The following SIK3 variants were observed in gnomAD, a reference collection of about 807,000 sequenced individuals.
The protein encoded by SIK3 is SIK family kinase 3.
SIK3 carries 28 observed loss-of-function variants against 144.2 expected under a neutral mutation model. That is an observed-to-expected ratio of 0.19 (90% CI 0.14 to 0.27). SIK3 has a LOEUF of 0.27. Among genes scored for constraint, SIK3 ranks in the 10% least tolerant of loss-of-function variants. SIK3 has a pLI of 1.00. For synonymous variants in SIK3, 686 were observed against 676.3 expected, an observed-to-expected ratio of 1.01 and a Z score of -0.22; for missense variants, 1,319 against 1,776.0, an observed-to-expected ratio of 0.74 and a Z score of 4.62.
intron 1 of SIK3, among the ~76,000 whole-genome samples, chr11:117,008,756 A>C (rs1233680045): frequency 6.6e-6 from 1 of 152,238 alleles, no homozygotes; most frequent in Non-Finnish European, 1.5e-5. Flanking sequence ...AATCCAGCAC[A>C]GAGTTATGGC....
At chr11:116,953,157 G>C (rs970806882) in intron 3 of SIK3, among the ~76,000 whole-genome samples, 1 of 151,970 alleles carries the variant, frequency 6.6e-6, no homozygotes, top group African/African-American at 2.4e-5. Flanking sequence ...TTAATAAGAA[G>C]ATTCATTTTA....
intron 4 of SIK3, among the ~76,000 whole-genome samples, chr11:116,923,254 T>C (rs1227642018): frequency 6.6e-6 from 1 of 152,212 alleles, no homozygotes. Flanking sequence ...AAACCCTTTT[T>C]CTCTCTTGCA....
chr11:116,940,117 T>C (rs1490797989), intron 3 of SIK3, among the ~76,000 whole-genome samples: 2 of 152,130 alleles, frequency 1.3e-5, no homozygotes, highest in Admixed American at 6.5e-5. Flanking sequence ...TACCTAACTA[T>C]AGAAGCTGGG....
intron 1 of SIK3, among the ~76,000 whole-genome samples, chr11:117,065,852 A>C (rs150867735): frequency 8.4e-4 from 127 of 151,786 alleles, no homozygotes; most frequent in African/African-American, 2.6e-3. Flanking sequence ...CTGGTCTCGA[A>C]CTCCTGGCCC....
rs1555059292 is a variant in SIK3, at chr11:116,844,618, A to AT, written c.*1024_*1025insA. The AT allele has an allele frequency of 8.3e-4, 34 of 40,730 alleles. No individual in the cohort carries two copies. Among genetic ancestry groups the AT allele is most frequent in the African/African-American group, 7.1e-3 (34 of 4,774 alleles). The allele number at this position is 40,730 out of a possible 1,614,324, so 2.5% of individuals were successfully genotyped here. A position where few individuals can be genotyped will look rare whatever the true frequency, so the allele number is the denominator to read the frequency against. On this transcript the variant is annotated 3_prime_UTR_variant, in exon 25 of 25. Coordinates refer to ENST00000445177, the MANE Select transcript of SIK3 (RefSeq NM_001366686.3). ...TATTTTATATATATATTATATATAT[A>AT]ATATATATATAATATATTATATTAT...
chr11:117,032,745 C>A (rs1483244026), intron 1 of SIK3, among the ~76,000 whole-genome samples: 1 of 149,364 alleles, frequency 6.7e-6, no homozygotes, highest in African/African-American at 2.5e-5. Context: ...TTAAGTTCAT[C>A]TTTTTTATCT....
chr11:117,020,311 G>A (rs1951720921), intron 1 of SIK3, among the ~76,000 whole-genome samples: 1 of 145,218 alleles, frequency 6.9e-6, no homozygotes, highest in South Asian at 2.2e-4. Flanking sequence ...AATTTCCTAA[G>A]TGACTTTGGT....
chr11:116,963,636 A>T (rs1949425403), intron 1 of SIK3, among the ~76,000 whole-genome samples: 1 of 152,212 alleles, frequency 6.6e-6, no homozygotes, highest in Non-Finnish European at 1.5e-5. Flanking sequence ...ACATCCCTGA[A>T]TCAAACTCTG....
At position 117,098,416 on chromosome 11, in the gene SIK3, C is replaced by T. The variant is rs1441527857; in HGVS notation, c.-1G>A. 96 of 1,126,128 alleles carry T rather than the reference C, an allele frequency of 8.5e-5. No homozygotes were observed. The highest frequency in any genetic ancestry group is 9.1e-5 in the Non-Finnish European group (84 of 923,146). The allele number at this position is 1,126,128 out of a possible 1,614,324, so 69.8% of individuals were successfully genotyped here. A position where few individuals can be genotyped will look rare whatever the true frequency, so the allele number is the denominator to read the frequency against. On this transcript the variant is annotated 5_prime_UTR_variant, in exon 1 of 25. Transcript: ENST00000445177. ...CTCCGCTCGCCGCCGCCGCCGCCAT[C>T]TTGTTGTGCAGTGAAACCTCCGGGG... is the stretch of plus-strand genomic sequence containing the variant.
chr11:117,050,285 A>ATC (rs1474891817), intron 1 of SIK3, among the ~76,000 whole-genome samples: 1 of 149,490 alleles, frequency 6.7e-6, no homozygotes, highest in East Asian at 2.0e-4. Flanking sequence ...TCAAGACTCC[A>ATC]TCACACACAC....
rs534638806 is a variant in SIK3 at position 117,079,132 on chromosome 11, G to A, written c.273+19011C>T. ...GTATAGCAAAAAGTTTAATAAAGGA[G>A]ATTATAGAGCTTCCCAAACTGTGGT... On this transcript the variant is annotated intron_variant, in intron 1 of 24. Transcript: ENST00000445177. Among the ~76,000 whole-genome samples, 256 of 152,270 alleles carry A rather than the reference G, an allele frequency of 1.7e-3. 5 individuals carry two copies. In the South Asian group the frequency reaches 0.05, roughly 30 times the overall value.
intron 1 of SIK3, among the ~76,000 whole-genome samples, chr11:117,005,697 T>G (rs1951021036): frequency 6.6e-6 from 1 of 152,192 alleles, no homozygotes; most frequent in African/African-American, 2.4e-5. Flanking sequence ...AAATCTTACT[T>G]CTATTACTAT....
At chr11:116,939,611 A>C (rs1948175547) in intron 3 of SIK3, among the ~76,000 whole-genome samples, 8 of 152,148 alleles carry the variant, frequency 5.3e-5, no homozygotes, top group Admixed American at 5.2e-4. Flanking sequence ...ATATTATACA[A>C]CTCTTGAAGT....
At chr11:116,852,519 G>A (rs1184360618) in intron 21 of SIK3, among the ~76,000 whole-genome samples, 1 of 152,184 alleles carries the variant, frequency 6.6e-6, no homozygotes, top group Non-Finnish European at 1.5e-5. Flanking sequence ...GCAGGAGCTC[G>A]GGCAAGTTAT....
chr11:116,845,244 T>G lies in SIK3; in HGVS notation c.*399A>C, dbSNP rs1290858141. On this transcript the variant is annotated 3_prime_UTR_variant, in exon 25 of 25. Transcript: ENST00000445177. ...GCTGGCCTCTGAACTCTAACTGCTT[T>G]GCTCTCCTGTTTCAAAAAAGGAACG... 1 of 151,656 alleles carries G rather than the reference T, an allele frequency of 6.6e-6. No individual in the cohort carries two copies. The highest frequency in any genetic ancestry group is 1.9e-4 in the East Asian group (1 of 5,182). The allele number at this position is 151,656 out of a possible 1,614,324, so 9.4% of individuals were successfully genotyped here.
intron 4 of SIK3, 53 bp downstream of exon 4, chr11:116,927,166 C>T: frequency 7.3e-7 from 1 of 1,367,784 alleles, no homozygotes; most frequent in African/African-American, 1.5e-5. Flanking sequence ...GCTTATAGAA[C>T]CCCAAGGAAA....
chr11:116,951,068 T>A (rs1386105000), intron 3 of SIK3, among the ~76,000 whole-genome samples: 1 of 152,216 alleles, frequency 6.6e-6, no homozygotes, highest in African/African-American at 2.4e-5. Flanking sequence ...GCTCTATATA[T>A]GCGATCTCAT....
chr11:116,998,256 G>C (rs1950736117), intron 1 of SIK3, among the ~76,000 whole-genome samples: 1 of 151,812 alleles, frequency 6.6e-6, no homozygotes, highest in Non-Finnish European at 1.5e-5. Flanking sequence ...CAGATCACAA[G>C]GTCAGGAGTT....
intron 1 of SIK3, among the ~76,000 whole-genome samples, chr11:117,072,054 C>T (rs1954305035): frequency 1.3e-5 from 2 of 151,796 alleles, no homozygotes; most frequent in Non-Finnish European, 1.5e-5. Flanking sequence ...TTTTAAAGTT[C>T]GCCAAATGAG....
Sources: gnomAD v4.1 joint callset for allele counts (sites outside exome capture counted in the v4.1 genomes callset) on GRCh38, gnomAD v4.1.1 for gene constraint, MANE v1.5 for transcripts, NCBI Gene and HGNC (gene_info 2026-07-23, HGNC 2026-07-21) for gene names.